CCDC197: variants seen among roughly 807,000 people sequenced by gnomAD.
CCDC197 encodes the protein coiled-coil domain containing 197, also known as uncharacterized protein CCDC197.
Under a neutral mutation model 13.4 loss-of-function variants are expected in CCDC197, and 24 were observed. The ratio of observed to expected loss-of-function variants is 1.80; its 90% CI spans 1.30 to 2.53. The LOEUF is 2.53. CCDC197 is among the 30% of genes most tolerant of loss of function. The pLI is 0.00. For synonymous variants in CCDC197, 99 were observed against 55.5 expected, an observed-to-expected ratio of 1.78 and a Z score of -3.48; for missense variants, 255 against 148.8, an observed-to-expected ratio of 1.71 and a Z score of -3.71.
At chr14:93,992,032 G>T (rs1178068911) in intron 1 of CCDC197, among the ~76,000 whole-genome samples, 1 of 152,246 alleles carries the variant, frequency 6.6e-6, no homozygotes, top group Admixed American at 6.5e-5. Context: ...TTGCAAACAG[G>T]TTGTTAAATT....
rs1890578497 is a variant in CCDC197, at chr14:94,003,174, T to C, written c.367-49T>C. ...CCCTGGGGACTCAGACCAGGGCATA[T>C]GCCCTGGAGGGTTTGTTGTACCAAG... On this transcript the variant is annotated intron_variant, in intron 4 of 6. Coordinates refer to ENST00000636493, the MANE Select transcript of CCDC197 (RefSeq NM_001351596.2). This position sits in a 1 kb window ranked among gnomAD's most constrained non-coding sequence, Gnocchi z 5.0. 1.3e-6 allele frequency: 1 copy of C among 761,616 alleles called. No homozygotes were observed. The highest frequency in any genetic ancestry group is 1.7e-5 in the Admixed American group (1 of 57,618). The allele number at this position is 761,616 out of a possible 1,614,324, so 47.2% of individuals were successfully genotyped here.
intron 2 of CCDC197, among the ~76,000 whole-genome samples, chr14:93,998,587 C>T (rs1890395105): frequency 1.3e-5 from 2 of 152,176 alleles, no homozygotes; most frequent in African/African-American, 4.8e-5. Flanking sequence ...TTAGTGGTGA[C>T]CCTGGGTCCT....
upstream of CCDC197, among the ~76,000 whole-genome samples, chr14:93,992,729 T>A (rs567646939): frequency 6.6e-6 from 1 of 152,300 alleles, no homozygotes; most frequent in Non-Finnish European, 1.5e-5. Flanking sequence ...GGCCCTGTCT[T>A]GGGAGAACTG....
At position 93,998,217 on chromosome 14, in the gene CCDC197, T is replaced by C. The variant is rs768345366; in HGVS notation, c.86T>C (p.Leu29Pro). The change falls in exon 2 of 7, where the codon CTC becomes CCC. Residue 29 changes from leucine (L) to proline (P), a missense_variant. Physicochemically the swap from Leu to Pro is moderately conservative, Grantham distance 98. Transcript: ENST00000636493. The stretch of plus-strand genomic sequence containing the variant: ...GACCTTCAAGGGCTGTGGCAGGAAC[T>C]CTACCAGCTCCAGGCTAAGTATGTG... ...EGDLQGLWQE[L>P]YQLQAKQKKL... is the part of the protein sequence containing the mutation. The C allele has an allele frequency of 1.3e-6, 1 of 780,230 alleles. No individual in the cohort carries two copies. Among genetic ancestry groups the C allele is most frequent in the African/African-American group, 1.7e-5 (1 of 59,118 alleles). The allele number at this position is 780,230 out of a possible 1,614,324, so 48.3% of individuals were successfully genotyped here.
intron 6 of CCDC197, chr14:94,007,623 GA>G (rs1307869260): frequency 9.2e-5 from 14 of 152,196 alleles, no homozygotes; most frequent in Admixed American, 9.2e-4. Flanking sequence ...CTTGTGTCAT[GA>G]GTGGAAGTTT....
At chr14:93,994,867 C>T (rs1890255558), upstream of CCDC197, among the ~76,000 whole-genome samples, 1 of 152,200 alleles carries the variant, frequency 6.6e-6, no homozygotes, top group African/African-American at 2.4e-5. Flanking sequence ...ATGGAGTCTT[C>T]CCCAAGAACA....
chr14:94,002,219 T>C (rs1026475560), intron 4 of CCDC197, among the ~76,000 whole-genome samples: 7 of 152,178 alleles, frequency 4.6e-5, no homozygotes, highest in African/African-American at 1.4e-4. Flanking sequence ...GTCCTGCGTC[T>C]GTCTTTCTCT....
chr14:93,995,434 G>A (rs1209203439), upstream of CCDC197, among the ~76,000 whole-genome samples: 4 of 152,322 alleles, frequency 2.6e-5, 1 homozygote, highest in East Asian at 1.9e-4. Context: ...CGGAGCTGGG[G>A]ATGCAGCCCA....
upstream of CCDC197, among the ~76,000 whole-genome samples, chr14:93,992,714 G>T (rs748509133): frequency 6.6e-6 from 1 of 152,242 alleles, no homozygotes; most frequent in Non-Finnish European, 1.5e-5. Context: ...CCTCCACCAC[G>T]GGAAGGCCCT....
downstream of CCDC197, among the ~76,000 whole-genome samples, chr14:94,010,107 A>C (rs957009304): frequency 6.6e-6 from 1 of 152,208 alleles, no homozygotes; most frequent in African/African-American, 2.4e-5. Flanking sequence ...AGGCTTGGCC[A>C]GGGAGTTAAA....
downstream of CCDC197, among the ~76,000 whole-genome samples, chr14:94,010,055 G>T (rs1037517264): frequency 1.3e-5 from 2 of 152,182 alleles, no homozygotes; most frequent in Non-Finnish European, 2.9e-5. Flanking sequence ...TCGAAAGCCC[G>T]CTTGACTCCA....
chr14:94,004,297 G>T (rs567008020), intron 5 of CCDC197, among the ~76,000 whole-genome samples: 2 of 152,186 alleles, frequency 1.3e-5, no homozygotes, highest in Non-Finnish European at 2.9e-5. Context: ...ACAGGGCTGC[G>T]CTGGGCACAC....
intron 1 of CCDC197, among the ~76,000 whole-genome samples, chr14:93,989,378 A>T (rs1383568450): frequency 6.6e-6 from 1 of 152,150 alleles, no homozygotes; most frequent in East Asian, 1.9e-4. Flanking sequence ...TGGATGTCAG[A>T]ACACACCACT....
At chr14:93,994,548 C>A (rs1052178758), upstream of CCDC197, among the ~76,000 whole-genome samples, 2 of 152,196 alleles carry the variant, frequency 1.3e-5, no homozygotes, top group Non-Finnish European at 2.9e-5. Context: ...AAACGGCTCC[C>A]AAGGAGCTGC....
chr14:93,999,265 G>A (rs1050781964), intron 2 of CCDC197: 3 of 273,140 alleles, frequency 1.1e-5, no homozygotes, highest in Admixed American at 5.2e-5. Context: ...TGAGATGGCA[G>A]CCACCTGCAC....
chr14:94,003,083 G>A lies in CCDC197; in HGVS notation c.367-140G>A, dbSNP rs1890575067. ...TGGACACGCCCTTTTCTGCATCTCT[G>A]GTGCCTTGAATGGCCCCAGCCACCC... On this transcript the variant is annotated intron_variant, in intron 4 of 6. Coordinates refer to ENST00000636493, the MANE Select transcript of CCDC197 (RefSeq NM_001351596.2). The surrounding 1 kb of genome is among the most constrained non-coding windows in gnomAD (Gnocchi z 5.0). The A allele has an allele frequency of 1.7e-6, 1 of 585,674 alleles. No individual in the cohort carries two copies. Among genetic ancestry groups the A allele is most frequent in the Non-Finnish European group, 3.0e-6 (1 of 328,000 alleles). The allele number at this position is 585,674 out of a possible 1,614,324, so 36.3% of individuals were successfully genotyped here.
chr14:93,998,147 A>G lies in CCDC197; in HGVS notation c.16A>G (p.Thr6Ala), dbSNP rs765390525. 4 of 780,764 alleles carry G rather than the reference A, an allele frequency of 5.1e-6. No homozygotes were observed. Among genetic ancestry groups the G allele is most frequent in the East Asian group, 2.4e-5 (1 of 41,252 alleles). The allele number at this position is 780,764 out of a possible 1,614,324, so 48.4% of individuals were successfully genotyped here. A position where few individuals can be genotyped will look rare whatever the true frequency, so the allele number is the denominator to read the frequency against. Residue 6 changes from threonine (T) to alanine (A), a missense_variant, in exon 2 of 7, where the codon ACA becomes GCA. Transcript: ENST00000636493. Reference sequence around the variant, plus strand: ...TGGTGAGGTGATGGCAGCCATGGACACAGGCCAGAGAGCTGACCCAAGCAA... The same window carrying G: ...TGGTGAGGTGATGGCAGCCATGGACGCAGGCCAGAGAGCTGACCCAAGCAA... MAAMD[T>A]GQRADPSNPG...
chr14:93,992,501 G>A (rs182807732), upstream of CCDC197, among the ~76,000 whole-genome samples: 14 of 152,342 alleles, frequency 9.2e-5, no homozygotes, highest in Admixed American at 3.9e-4. Flanking sequence ...TTCTGGGACA[G>A]AAGAAAACAG....
rs568397087 is a variant in CCDC197, at chr14:93,989,982, C to G, written c.-107+2586C>G. Among the ~76,000 whole-genome samples the G allele has an allele frequency of 5.9e-5, 9 of 152,226 alleles. 1 individual carries two copies. The South Asian group carries it at 8.3e-4, about 14-fold the overall frequency. On this transcript the variant is annotated intron_variant, in intron 1 of 7. Coordinates refer to the CCDC197 transcript ENST00000640978. Reference sequence around the variant, plus strand: ...TCCTAGTGGCTTCTCTGGTCTTTGCCCTATGACCCCTGCCATCTCAGCAAT... The same window carrying G: ...TCCTAGTGGCTTCTCTGGTCTTTGCGCTATGACCCCTGCCATCTCAGCAAT...
Sources: gnomAD v4.1 joint callset for allele counts (sites outside exome capture counted in the v4.1 genomes callset) on GRCh38, gnomAD v4.1.1 for gene constraint, Gnocchi (gnomAD v3.1) non-coding constraint, MANE v1.5 for transcripts, NCBI Gene and HGNC (gene_info 2026-07-23, HGNC 2026-07-21) for gene names.